The following NOL4L variants were observed in gnomAD, a reference collection of about 807,000 sequenced individuals.
NOL4L encodes the protein nucleolar protein 4 like.
NOL4L carries 7 observed loss-of-function variants against 64.5 expected under a neutral mutation model. The ratio of observed to expected loss-of-function variants is 0.11; its 90% confidence interval spans 0.06 to 0.20. The LOEUF (loss-of-function observed/expected upper bound fraction) is 0.20. Ranked by LOEUF, NOL4L falls within the 10% of genes least tolerant of loss-of-function variation. The pLI is 1.00. For missense variants in NOL4L, 680 were observed against 967.1 expected, an observed-to-expected ratio of 0.70 and a Z score of 3.94; for synonymous variants, 413 against 401.0, an observed-to-expected ratio of 1.03 and a Z score of -0.36.
In NOL4L at chr20:32,546,248, T is replaced by C. The variant is rs535663018; in HGVS notation, c.322-18335A>G. On this transcript the variant is annotated intron_variant, in intron 1 of 10. Transcript: ENST00000621426. ...GGCGTGAGCCAGTGCGCCCAGCTTT[T>C]TTTTCCTTTTTTTGGCGAGGGGATG... Among the ~76,000 whole-genome samples, 9 of 151,202 alleles carry C rather than the reference T, an allele frequency of 6.0e-5. No homozygotes were observed. In the South Asian group the frequency reaches 8.4e-4, roughly 14 times the overall value.
At chr20:32,494,511 G>C (rs1035805756) in intron 4 of NOL4L, among the ~76,000 whole-genome samples, 3 of 151,954 alleles carry the variant, frequency 2.0e-5, no homozygotes, top group African/African-American at 7.3e-5. Context: ...CCAAGCCTTC[G>C]GCATCTTAAC....
intron 5 of NOL4L, 91 bp from the exon 6 acceptor site, chr20:32,456,486 G>GA: frequency 7.8e-7 from 1 of 1,275,984 alleles, no homozygotes; most frequent in Admixed American, 3.8e-5. Flanking sequence ...TCCTCCTCAT[G>GA]AGTGTCCCTG....
chr20:32,529,292 C>A (rs1351201822), intron 1 of NOL4L, among the ~76,000 whole-genome samples: 1 of 152,194 alleles, frequency 6.6e-6, no homozygotes, highest in Non-Finnish European at 1.5e-5. Context: ...TGGCACTGAG[C>A]CTGGAGTACA....
intron 1 of NOL4L, among the ~76,000 whole-genome samples, chr20:32,538,554 G>C (rs1416425280): frequency 7.1e-6 from 1 of 141,812 alleles, no homozygotes; most frequent in Non-Finnish European, 1.5e-5. Context: ...AGAACCCAGC[G>C]TTCCCCAACC....
intron 1 of NOL4L, among the ~76,000 whole-genome samples, chr20:32,534,584 G>C (rs1028366686): frequency 6.6e-6 from 1 of 152,196 alleles, no homozygotes. Flanking sequence ...TGGGTGCAAT[G>C]GCTCACGCCT....
intron 4 of NOL4L, among the ~76,000 whole-genome samples, chr20:32,496,513 C>T (rs760285104): frequency 1.3e-5 from 2 of 151,834 alleles, no homozygotes; most frequent in East Asian, 1.9e-4. Context: ...GTAGGAACCT[C>T]GGAAATGATT....
intron 3 of NOL4L, among the ~76,000 whole-genome samples, chr20:32,518,302 T>C (rs990977503): frequency 5.3e-5 from 8 of 152,226 alleles, no homozygotes; most frequent in African/African-American, 1.9e-4. Flanking sequence ...CTGGTTTATA[T>C]TCTAGATGGC....
chr20:32,472,188 G>T (rs1260617954), intron 5 of NOL4L, among the ~76,000 whole-genome samples: 1 of 152,222 alleles, frequency 6.6e-6, no homozygotes, highest in African/African-American at 2.4e-5. Context: ...GCTTGGGTAG[G>T]TCTCAGTAAA....
chr20:32,550,470 G>A (rs1300212614), intron 1 of NOL4L, among the ~76,000 whole-genome samples: 1 of 152,234 alleles, frequency 6.6e-6, no homozygotes, highest in Non-Finnish European at 1.5e-5. Context: ...TATAGGTCAG[G>A]CGTGGTGGCT....
intron 2 of NOL4L, among the ~76,000 whole-genome samples, chr20:32,527,263 C>T (rs1170268565): frequency 2.6e-5 from 4 of 152,142 alleles, no homozygotes; most frequent in African/African-American, 4.8e-5. Context: ...GGGTGGGGAG[C>T]AGGTCCTTCG....
chr20:32,577,973 T>A (rs967754143), intron 1 of NOL4L, among the ~76,000 whole-genome samples: 6 of 152,074 alleles, frequency 3.9e-5, no homozygotes, highest in Admixed American at 6.5e-5. Context: ...GGGCCCTACG[T>A]GCATGAAAGC....
At position 32,453,332 on chromosome 20, in the gene NOL4L, C is replaced by T. The variant is rs2013127372; in HGVS notation, c.1469G>A (p.Arg490His). Residue 490 changes from arginine (R) to histidine (H), a missense_variant, in exon 8 of 11, where the codon CGT becomes CAT. Physicochemically the swap from Arg to His is conservative, Grantham distance 29. This residue lies in a region of NOL4L where 70 missense variants were observed against 166.1 expected (regional missense o/e 0.42). Transcript: ENST00000621426. The surrounding 1 kb of genome is among the most constrained non-coding windows in gnomAD (Gnocchi z 5.6). ...CTCCATGCCGTTCTTCTTCATGCGACGGCAGGACTTGAGGTACGTGCGGAT... is the reference window on the plus strand; with the variant it reads ...CTCCATGCCGTTCTTCTTCATGCGATGGCAGGACTTGAGGTACGTGCGGAT... The part of the protein sequence containing the change: ...KRIRTYLKSC[R>H]RMKKNGMEMT... 1 of 1,613,992 alleles carries T rather than the reference C, an allele frequency of 6.2e-7. No individual in the cohort carries two copies. Among genetic ancestry groups the T allele is most frequent in the Non-Finnish European group, 8.5e-7 (1 of 1,179,934 alleles).
intron 1 of NOL4L, among the ~76,000 whole-genome samples, chr20:32,583,108 G>A (rs1299758504): frequency 1.3e-5 from 2 of 152,030 alleles, no homozygotes; most frequent in Non-Finnish European, 1.5e-5. Flanking sequence ...CGGTCCGGCC[G>A]GAGGCGGCAG....
chr20:32,576,780 G>A (rs1228813842), intron 1 of NOL4L, among the ~76,000 whole-genome samples: 1 of 152,232 alleles, frequency 6.6e-6, no homozygotes, highest in African/African-American at 2.4e-5. Context: ...AATCGGAGGG[G>A]AAGAGCATGG....
At chr20:32,584,337 C>G (rs1363561221) in intron 1 of NOL4L, among the ~76,000 whole-genome samples, 1 of 151,178 alleles carries the variant, frequency 6.6e-6, no homozygotes, top group African/African-American at 2.4e-5. Context: ...CCGGCACGGC[C>G]ACGGCCCGGG....
chr20:32,548,102 G>C (rs2018754661), intron 1 of NOL4L, among the ~76,000 whole-genome samples: 1 of 152,178 alleles, frequency 6.6e-6, no homozygotes, highest in African/African-American at 2.4e-5. Context: ...GTACCAGTAG[G>C]TACTATTGTC....
At chr20:32,582,889 C>T (rs1473576086) in intron 1 of NOL4L, among the ~76,000 whole-genome samples, 1 of 152,142 alleles carries the variant, frequency 6.6e-6, no homozygotes, top group Non-Finnish European at 1.5e-5. Context: ...ACCCATACTC[C>T]CCATCTGGGA....
At chr20:32,511,493 G>T in intron 3 of NOL4L, 37 bp from the exon 4 acceptor site, 1 of 1,440,732 alleles carries the variant, frequency 6.9e-7, no homozygotes, top group Non-Finnish European at 9.5e-7. Flanking sequence ...CTTTCAGTCT[G>T]TGCTGCGGGC....
chr20:32,465,759 G>T (rs1244026894), intron 5 of NOL4L, among the ~76,000 whole-genome samples: 1 of 152,240 alleles, frequency 6.6e-6, no homozygotes, highest in Non-Finnish European at 1.5e-5. Context: ...CAGTCCTTAG[G>T]TCGGAGTGAT....
Sources: allele counts gnomAD v4.1 joint callset (sites outside exome capture counted in the v4.1 genomes callset), GRCh38; gene constraint gnomAD v4.1.1; regional missense constraint gnomAD v4.1.1; non-coding constraint Gnocchi (gnomAD v3.1); transcripts MANE v1.5; gene names NCBI Gene and HGNC (gene_info 2026-07-23, HGNC 2026-07-21).